The following TENM4 variants were observed in gnomAD, a reference collection of about 807,000 sequenced individuals.
The protein encoded by TENM4 is teneurin transmembrane protein 4.
TENM4 carries 82 observed loss-of-function variants against 243.3 expected under a neutral mutation model. That is an observed-to-expected ratio of 0.34 (90% CI 0.28 to 0.40). The LOEUF is 0.40. Ranked by LOEUF, TENM4 falls within the 10% of genes least tolerant of loss-of-function variation. The probability of loss-of-function intolerance (pLI) is 1.00; values close to 1 mark genes in which losing one functional copy is unlikely to be tolerated. For synonymous variants in TENM4, 1,412 were observed against 1,456.3 expected, an observed-to-expected ratio of 0.97 and a Z score of 0.69; for missense variants, 3,138 against 3,673.3, an observed-to-expected ratio of 0.85 and a Z score of 3.77.
intron 6 of TENM4, among the ~76,000 whole-genome samples, chr11:78,971,719 T>C (rs181450078): frequency 6.6e-6 from 1 of 152,166 alleles, no homozygotes; most frequent in Non-Finnish European, 1.5e-5. Context: ...TCCCTAAAAG[T>C]ATGATGTCTC....
In TENM4 at chr11:79,139,672, A is replaced by T. The variant is rs1276703577; in HGVS notation, c.-66+9038T>A. Among the ~76,000 whole-genome samples, 6 of 65,534 alleles carry T rather than the reference A, an allele frequency of 9.2e-5. 1 individual carries two copies. Among genetic ancestry groups the T allele is most frequent in the Admixed American group, 8.5e-4 (4 of 4,700 alleles). 43.0% of individuals were successfully genotyped at this position (65,534 alleles called of 152,430 possible). A position where few individuals can be genotyped will look rare whatever the true frequency, so the allele number is the denominator to read the frequency against. ...TTATATAAGTATATAAAATATATAT[A>T]TTTTATATAAGTATATAAAATATAT... is the stretch of plus-strand genomic sequence containing the variant. On this transcript the variant is annotated intron_variant, in intron 4 of 33. Transcript: ENST00000278550.
chr11:79,414,289 G>A (rs746987487), intron 1 of TENM4, among the ~76,000 whole-genome samples: 2 of 152,112 alleles, frequency 1.3e-5, no homozygotes, highest in African/African-American at 2.4e-5. Context: ...AAGAGCTTTC[G>A]ACTCTGCACT....
At chr11:79,123,583 A>C (rs895229696) in intron 4 of TENM4, among the ~76,000 whole-genome samples, 1 of 149,128 alleles carries the variant, frequency 6.7e-6, no homozygotes, top group Non-Finnish European at 1.5e-5. Context: ...TTCTCTCCAG[A>C]CAAACGCAGT....
intron 9 of TENM4, 108 bp downstream of exon 9, chr11:78,889,677 T>C: frequency 1.6e-6 from 2 of 1,235,140 alleles, no homozygotes; most frequent in Non-Finnish European, 2.3e-6. Flanking sequence ...TCACACTGCG[T>C]GCTTTGCCTG....
chr11:79,058,347 T>C (rs796383987), intron 6 of TENM4, among the ~76,000 whole-genome samples: 6 of 152,050 alleles, frequency 3.9e-5, no homozygotes, highest in African/African-American at 1.4e-4. Flanking sequence ...ATCGAGACCA[T>C]CCTGGCTAAC....
intron 3 of TENM4, among the ~76,000 whole-genome samples, chr11:79,212,657 G>A (rs1395885984): frequency 6.6e-6 from 1 of 152,118 alleles, no homozygotes; most frequent in African/African-American, 2.4e-5. Flanking sequence ...GGTGTGAGAG[G>A]TGAGGCCGTG....
At chr11:79,036,364 C>T (rs1316883562) in intron 6 of TENM4, among the ~76,000 whole-genome samples, 3 of 152,232 alleles carry the variant, frequency 2.0e-5, no homozygotes, top group African/African-American at 7.2e-5. Flanking sequence ...GCCCAATGCA[C>T]AAGTCTCCCT....
At chr11:78,777,677 C>T (rs1202823007) in intron 17 of TENM4, among the ~76,000 whole-genome samples, 1 of 152,148 alleles carries the variant, frequency 6.6e-6, no homozygotes, top group Non-Finnish European at 1.5e-5. Flanking sequence ...CCCAAGGTCA[C>T]TTAGTTCCCT....
At chr11:78,996,878 G>T (rs538078471) in intron 6 of TENM4, among the ~76,000 whole-genome samples, 10 of 152,296 alleles carry the variant, frequency 6.6e-5, no homozygotes, top group East Asian at 1.9e-4. Context: ...GCCGGGGCAT[G>T]GTTCCACCTT....
At chr11:78,880,761 A>ATATCTGAG (rs1174598557) in intron 9 of TENM4, among the ~76,000 whole-genome samples, 2 of 152,208 alleles carry the variant, frequency 1.3e-5, no homozygotes, top group Admixed American at 1.3e-4. Context: ...CAACACTGAA[A>ATATCTGAG]TATCTGAGTT....
At chr11:78,806,850 C>CTATT (rs1439423066) in intron 14 of TENM4, among the ~76,000 whole-genome samples, 6 of 152,302 alleles carry the variant, frequency 3.9e-5, no homozygotes, top group African/African-American at 1.4e-4. Context: ...AAACAATTTC[C>CTATT]TATTTCCCCT....
At chr11:79,007,649 TCC>T (rs1228576325) in intron 6 of TENM4, among the ~76,000 whole-genome samples, 1 of 152,164 alleles carries the variant, frequency 6.6e-6, no homozygotes, top group Admixed American at 6.5e-5. Context: ...TGGGGCCTCC[TCC>T]CCACCTGTCT....
In TENM4 at chr11:79,052,332, A is replaced by G. The variant is rs544425434; in HGVS notation, c.493+12406T>C. Among the ~76,000 whole-genome samples, 146 of 152,248 alleles carry G rather than the reference A, an allele frequency of 9.6e-4. 1 individual carries two copies. Among genetic ancestry groups the G allele is most frequent in the African/African-American group, 3.3e-3 (139 of 41,548 alleles). On this transcript the variant is annotated intron_variant, in intron 6 of 33. Transcript: ENST00000278550. ...TAGCCATTCTGACTGGTGAGAGATG[A>G]TATCTCATTGTGGTTTTGATTTGCA...
chr11:79,361,349 A>G (rs535309601), intron 1 of TENM4, among the ~76,000 whole-genome samples: 19 of 152,224 alleles, frequency 1.2e-4, no homozygotes, highest in Non-Finnish European at 2.6e-4. Flanking sequence ...CTGCTGGACT[A>G]GTTCATGTCC....
rs572962995 is a variant in TENM4 at position 79,067,397 on chromosome 11, CT to C, written c.223+2324del. On this transcript the variant is annotated intron_variant, in intron 5 of 33. Coordinates refer to ENST00000278550, the MANE Select transcript of TENM4 (RefSeq NM_001098816.3). The stretch of plus-strand genomic sequence containing the variant: ...CTCTCTCCTGTCCTGCTCTCGCCCC[CT>C]GTCCCCATCCACAGTTCTATCTGTG... 4.1e-4 allele frequency among the ~76,000 whole-genome samples: 62 copies of C among 152,356 alleles called. No individual in the cohort carries two copies. In the South Asian group the frequency reaches 0.013, roughly 31 times the overall value.
chr11:79,059,066 A>G (rs1860019037), intron 6 of TENM4, among the ~76,000 whole-genome samples: 1 of 152,180 alleles, frequency 6.6e-6, no homozygotes, highest in South Asian at 2.1e-4. Flanking sequence ...GGAGATGCTC[A>G]CCTAATCTAC....
intron 1 of TENM4, among the ~76,000 whole-genome samples, chr11:79,339,563 TCCCAGTGAGATGTGCCTTATTATG>T (rs148426679): frequency 0.33 from 50,023 of 151,754 alleles, 8,646 homozygotes; most frequent in South Asian, 0.52. Context: ...ATCCTCATCA[TCCCAGTGAGATGTGCCTTATTATG>T]CCCATTTTAC....
rs181451065 is a variant in TENM4 at position 79,119,109 on chromosome 11, G to A, written c.-66+29601C>T. Among the ~76,000 whole-genome samples, 79 of 152,226 alleles carry A rather than the reference G, an allele frequency of 5.2e-4. 1 individual carries two copies. The highest frequency in any genetic ancestry group is 1.9e-3 in the African/African-American group (78 of 41,528). ...AAGTGGTAGTCAGACATCATTCTAGGTCCTGGGTGCCCTCACTAAATAGCA... is the reference window on the plus strand; with the variant it reads ...AAGTGGTAGTCAGACATCATTCTAGATCCTGGGTGCCCTCACTAAATAGCA... On this transcript the variant is annotated intron_variant, in intron 4 of 33. Coordinates refer to ENST00000278550, the MANE Select transcript of TENM4 (RefSeq NM_001098816.3).
Position 78,853,998 on chromosome 11 carries a change from C to A in TENM4, c.1681+106G>T. On this transcript the variant is annotated intron_variant, in intron 12 of 33. Transcript: ENST00000278550. ...GTCTCGTGCCAAGCTCCAGGGCCAT[C>A]CACAGCTCTGACATCCCCTTGTCAG... 5 of 1,163,526 alleles carry A rather than the reference C, an allele frequency of 4.3e-6. No homozygotes were observed. In the East Asian group the frequency reaches 1.0e-4, roughly 24 times the overall value. 72.1% of individuals were successfully genotyped at this position (1,163,526 alleles called of 1,614,324 possible).
Sources: allele counts gnomAD v4.1 joint callset (sites outside exome capture counted in the v4.1 genomes callset), GRCh38; gene constraint gnomAD v4.1.1; transcripts MANE v1.5; gene names NCBI Gene and HGNC (gene_info 2026-07-23, HGNC 2026-07-21).